Variants in SLC14A2 observed in about 807,000 individuals in gnomAD.
The protein encoded by SLC14A2 is urea transporter 2.
A neutral mutation model predicts 104.6 loss-of-function variants in SLC14A2; 91 were observed. The observed-to-expected ratio is 0.87, with a 90% CI of 0.73 to 1.04. SLC14A2 has a LOEUF of 1.04. SLC14A2 is among the 50% of genes least tolerant of loss of function. The pLI, the probability that SLC14A2 is intolerant of heterozygous loss-of-function variation, is 0.00. For synonymous variants in SLC14A2, 476 were observed against 466.4 expected (o/e 1.02, Z -0.27); for missense variants, 1,189 against 1,156.0 (o/e 1.03, Z -0.41).
chr18:45,343,946 C>T (rs904542484), intron 1 of SLC14A2, among the ~76,000 whole-genome samples: 2 of 152,146 alleles, frequency 1.3e-5, no homozygotes, highest in Admixed American at 6.5e-5. Flanking sequence ...ACTATAGTCC[C>T]TGGAGGGGAA....
At chr18:45,616,036 G>A (rs189593641) in intron 1 of SLC14A2, among the ~76,000 whole-genome samples, 271 of 152,294 alleles carry the variant, frequency 1.8e-3, no homozygotes, top group African/African-American at 6.2e-3. Context: ...ATTGGAGGTA[G>A]CTGTGGGACC....
chr18:45,468,005 T>A (rs549778990), intron 1 of SLC14A2, among the ~76,000 whole-genome samples: 2 of 152,086 alleles, frequency 1.3e-5, no homozygotes, highest in Admixed American at 1.3e-4. Context: ...TCCCAGAGAA[T>A]CAAGGCAGGG....
At chr18:45,524,368 A>G (rs1273260099) in intron 2 of SLC14A2, among the ~76,000 whole-genome samples, 1 of 152,164 alleles carries the variant, frequency 6.6e-6, no homozygotes, top group Non-Finnish European at 1.5e-5. Flanking sequence ...ACTGCATTCA[A>G]CTCAGCTGGG....
At chr18:45,416,244 T>C (rs959890675) in intron 1 of SLC14A2, among the ~76,000 whole-genome samples, 1 of 149,764 alleles carries the variant, frequency 6.7e-6, no homozygotes, top group Non-Finnish European at 1.5e-5. Context: ...TTTCCTTTTT[T>C]GTTTCCTTTT....
chr18:45,330,640 G>A (rs920407285), intron 1 of SLC14A2, among the ~76,000 whole-genome samples: 1 of 152,186 alleles, frequency 6.6e-6, no homozygotes, highest in African/African-American at 2.4e-5. Flanking sequence ...TTTCAGCTCT[G>A]CATGCAGATG....
chr18:45,584,821 A>C (rs1399048423), intron 2 of SLC14A2, among the ~76,000 whole-genome samples: 1 of 152,228 alleles, frequency 6.6e-6, no homozygotes, highest in African/African-American at 2.4e-5. Flanking sequence ...TGAATATAGA[A>C]CGAAGTGATG....
intron 1 of SLC14A2, among the ~76,000 whole-genome samples, chr18:45,350,296 A>G (rs2085490020): frequency 6.6e-6 from 1 of 152,238 alleles, no homozygotes; most frequent in South Asian, 2.1e-4. Flanking sequence ...ACTAACATAC[A>G]CTAAACAGTC....
At chr18:45,195,203 G>C in the SLC14A2 span, among the ~76,000 whole-genome samples, 1 of 152,142 alleles carries the variant, frequency 6.6e-6, no homozygotes, top group East Asian at 1.9e-4. Context: ...GGAGTGTCTG[G>C]CCACAGTGTT....
intron 7 of SLC14A2, among the ~76,000 whole-genome samples, chr18:45,640,432 C>T (rs1356393882): frequency 6.6e-6 from 1 of 152,144 alleles, no homozygotes; most frequent in Admixed American, 6.5e-5. Flanking sequence ...GCCCAGCACT[C>T]TGAAATTTTT....
intron 1 of SLC14A2, among the ~76,000 whole-genome samples, chr18:45,426,980 A>AT (rs1431566596): frequency 3.3e-5 from 5 of 151,808 alleles, no homozygotes; most frequent in Non-Finnish European, 5.9e-5. Context: ...TCAGATGCCA[A>AT]TTTTTTTCAT....
At chr18:45,414,596 TAAAA>T (rs200138739) in intron 1 of SLC14A2, among the ~76,000 whole-genome samples, 18 of 143,356 alleles carry the variant, frequency 1.3e-4, no homozygotes, top group Non-Finnish European at 2.3e-4. Flanking sequence ...ATCCAGAACT[TAAAA>T]AAAAAAAGAA....
Position 45,639,769 on chromosome 18 carries a change from G to A in SLC14A2, c.867G>A (p.Gly289=), listed in dbSNP as rs1376055676. 3 of 1,613,772 alleles carry A rather than the reference G, an allele frequency of 1.9e-6. No individual in the cohort carries two copies. The highest frequency in any genetic ancestry group is 2.2e-5 in the East Asian group (1 of 44,886). ...AGCTGTTACAAGCCATCCCTGTTGGGGTCGGCCAGGTGTATGGCTGTGACA... is the reference window on the plus strand; with the variant it reads ...AGCTGTTACAAGCCATCCCTGTTGGAGTCGGCCAGGTGTATGGCTGTGACA... The part of the protein sequence containing the change: ...MPLLLQAIPV[G]VGQVYGCDNP... The change falls in exon 7 of 20, where the codon GGG becomes GGA. Residue 289 remains glycine (G), a synonymous_variant. Coordinates refer to ENST00000255226, the MANE Select transcript of SLC14A2 (RefSeq NM_007163.4).
Position 45,682,682 on chromosome 18 carries a change from T to G in SLC14A2, c.*163T>G, listed in dbSNP as rs2046329245. On this transcript the variant is annotated 3_prime_UTR_variant, in exon 20 of 20. Coordinates refer to ENST00000255226, the MANE Select transcript of SLC14A2 (RefSeq NM_007163.4). ...TCACCATTCCAGAACCTCTCTTTTC[T>G]AAGATGCACAACACTTATCAAAGAT... is the stretch of plus-strand genomic sequence containing the variant. 3.2e-5 allele frequency: 20 copies of G among 634,882 alleles called. No homozygotes were observed. Among genetic ancestry groups the G allele is most frequent in the Non-Finnish European group, 5.4e-5 (19 of 350,818 alleles). The allele number at this position is 634,882 out of a possible 1,614,324, so 39.3% of individuals were successfully genotyped here.
At chr18:45,461,951 C>T (rs553902274) in intron 1 of SLC14A2, among the ~76,000 whole-genome samples, 3 of 152,022 alleles carry the variant, frequency 2.0e-5, no homozygotes, top group East Asian at 1.9e-4. Flanking sequence ...AAAGGGAAGA[C>T]GTGGTAGGAG....
At chr18:45,573,838 T>C (rs999606929) in intron 2 of SLC14A2, among the ~76,000 whole-genome samples, 10 of 152,204 alleles carry the variant, frequency 6.6e-5, no homozygotes, top group African/African-American at 2.4e-4. Context: ...AAATATATCA[T>C]CTAGTTTAAG....
intron 1 of SLC14A2, among the ~76,000 whole-genome samples, chr18:45,386,903 C>T (rs1381280268): frequency 6.6e-6 from 1 of 152,222 alleles, no homozygotes; most frequent in African/African-American, 2.4e-5. Flanking sequence ...ACATGGTGAG[C>T]ACAGGCAGTA....
intron 2 of SLC14A2, among the ~76,000 whole-genome samples, chr18:45,567,055 AGTGTGTGTGTGT>A (rs3058364): frequency 0.065 from 9,052 of 139,866 alleles, 944 homozygotes; most frequent in African/African-American, 0.23. Context: ...ATGTGCACAT[AGTGTGTGTGTGT>A]GTGTGTGTGT....
upstream of SLC14A2, among the ~76,000 whole-genome samples, chr18:45,612,503 CTAA>C (rs1171441087): frequency 6.6e-6 from 1 of 152,212 alleles, no homozygotes; most frequent in Non-Finnish European, 1.5e-5. Flanking sequence ...ATTAAAATCG[CTAA>C]TGTTTATTAG....
At chr18:45,312,799 A>G (rs2085091960) in intron 1 of SLC14A2, among the ~76,000 whole-genome samples, 1 of 152,236 alleles carries the variant, frequency 6.6e-6, no homozygotes, top group African/African-American at 2.4e-5. Context: ...ACTTAGCCAA[A>G]GAGAGAGCTC....
Sources: allele counts gnomAD v4.1 joint callset (sites outside exome capture counted in the v4.1 genomes callset), GRCh38; gene constraint gnomAD v4.1.1; transcripts MANE v1.5; gene names NCBI Gene and HGNC (gene_info 2026-07-23, HGNC 2026-07-21).